Variants in FAM20A observed in about 807,000 individuals in gnomAD.
FAM20A encodes FAM20A golgi associated secretory pathway pseudokinase.
A neutral mutation model predicts 52.0 loss-of-function variants in FAM20A; 42 were observed. The ratio of observed to expected loss-of-function variants is 0.81; its 90% confidence interval spans 0.63 to 1.04. The LOEUF (loss-of-function observed/expected upper bound fraction) is 1.04, where lower values mean the gene tolerates loss of function less well. Among genes scored for constraint, FAM20A ranks in the 50% least tolerant of loss-of-function variants. The pLI is 0.00. For synonymous variants in FAM20A, 304 were observed against 298.9 expected (o/e 1.02, Z -0.18); for missense variants, 742 against 712.7 (o/e 1.04, Z -0.47).
At chr17:68,594,215 T>C (rs566688283) in intron 1 of FAM20A, among the ~76,000 whole-genome samples, 1 of 152,184 alleles carries the variant, frequency 6.6e-6, no homozygotes, top group Non-Finnish European at 1.5e-5. Context: ...ATCGAGACCA[T>C]GGTGAAACGC....
chr17:68,558,349 G>A (rs1343840422), intron 1 of FAM20A: 2 of 444,674 alleles, frequency 4.5e-6, no homozygotes, highest in Non-Finnish European at 9.0e-6. Flanking sequence ...TGGTTTGGAT[G>A]TTTGTCCCCT....
rs1185759292 is a variant in FAM20A, at chr17:68,575,825, CACACACAT to C, written c.405-20090_405-20083del. Among the ~76,000 whole-genome samples, 8 of 135,664 alleles carry C rather than the reference CACACACAT, an allele frequency of 5.9e-5. No individual in the cohort carries two copies. In the South Asian group the frequency reaches 9.9e-4, roughly 17 times the overall value. The allele number at this position is 135,664 out of a possible 152,430, so 89.0% of individuals were successfully genotyped here. Reference sequence around the variant, plus strand: ...ACACACACACACACACACACACACACACACACATAATCAGCCATTGGCAGTTACAGCTG... The same window carrying C: ...ACACACACACACACACACACACACACAATCAGCCATTGGCAGTTACAGCTG... On this transcript the variant is annotated intron_variant, in intron 1 of 10. Coordinates refer to ENST00000592554, the MANE Select transcript of FAM20A (RefSeq NM_017565.4).
Position 68,548,540 on chromosome 17 carries a change from A to AT in FAM20A, c.719+3332_719+3333insA, listed in dbSNP as rs563422672. Among the ~76,000 whole-genome samples, 662 of 151,948 alleles carry AT rather than the reference A, an allele frequency of 4.4e-3. 4 individuals are homozygous for AT. The highest frequency in any genetic ancestry group is 0.015 in the African/African-American group (636 of 41,398). On this transcript the variant is annotated intron_variant, in intron 4 of 10. Coordinates refer to ENST00000592554, the MANE Select transcript of FAM20A (RefSeq NM_017565.4). ...GTGAGACTCTGTCTCAAAAAAAAAA[A>AT]GTTTGAAATATTGTGAGAATTACCA...
In FAM20A at chr17:68,555,750, G is replaced by A; in HGVS notation, c.405-7C>T. On this transcript the variant is annotated splice_region_variant and splice_polypyrimidine_tract_variant and intron_variant, in intron 1 of 10. Coordinates refer to ENST00000592554, the MANE Select transcript of FAM20A (RefSeq NM_017565.4). Reference sequence around the variant, plus strand: ...TCTGTACATCTTGTGTCGCCTGAAAGAGCCAGATAGTTGTTCATTAGAGGA... The same window carrying A: ...TCTGTACATCTTGTGTCGCCTGAAAAAGCCAGATAGTTGTTCATTAGAGGA... 6.2e-7 allele frequency: 1 copy of A among 1,614,050 alleles called. No homozygotes were observed. The highest frequency in any genetic ancestry group is 8.5e-7 in the Non-Finnish European group (1 of 1,180,026).
At chr17:68,586,711 T>A (rs1331686327) in intron 1 of FAM20A, among the ~76,000 whole-genome samples, 1 of 152,220 alleles carries the variant, frequency 6.6e-6, no homozygotes, top group Admixed American at 6.5e-5. Context: ...TCATTTCAGA[T>A]TTCTATCCTT....
intron 1 of FAM20A, among the ~76,000 whole-genome samples, chr17:68,573,479 TTCTTTCTTTCCTTTCTTTCTCTC>T (rs1163443815): frequency 6.8e-6 from 1 of 146,220 alleles, no homozygotes; most frequent in Non-Finnish European, 1.5e-5. Flanking sequence ...TTCTTTCTCT[TTCTTTCTTTCCTTTCTTTCTCTC>T]TCTTTCTCTT....
intron 7 of FAM20A, 35 bp from the exon 8 acceptor site, chr17:68,540,993 C>T: frequency 6.4e-7 from 1 of 1,556,078 alleles, no homozygotes; most frequent in Non-Finnish European, 8.7e-7. Flanking sequence ...GCTGGAAAAG[C>T]CAAGATGGCA....
intron 4 of FAM20A, 118 bp downstream of exon 4, chr17:68,551,755 A>G: frequency 1.5e-6 from 1 of 667,668 alleles, no homozygotes; most frequent in Non-Finnish European, 2.8e-6. Context: ...GCTTGGGCAG[A>G]TTAGAGAATC....
At chr17:68,539,811 TC>T in intron 9 of FAM20A, 73 bp downstream of exon 9, 2 of 1,455,356 alleles carry the variant, frequency 1.4e-6, no homozygotes, top group African/African-American at 1.4e-5. Flanking sequence ...GGCGTCTGTT[TC>T]CCCCGAGCAG....
chr17:68,594,793 C>T (rs961245265), intron 1 of FAM20A, among the ~76,000 whole-genome samples: 1 of 152,218 alleles, frequency 6.6e-6, no homozygotes. Flanking sequence ...AATCCTTATT[C>T]TGCTTTGAAT....
chr17:68,574,210 G>A lies in FAM20A; in HGVS notation c.405-18467C>T, dbSNP rs142598265. On this transcript the variant is annotated intron_variant, in intron 1 of 10. Coordinates refer to ENST00000592554, the MANE Select transcript of FAM20A (RefSeq NM_017565.4). ...CTCCCAAGTAACTGGGACCACAGGC[G>A]TGTGCCACCATGCCCGGCTAATTTT... Among the ~76,000 whole-genome samples the A allele has an allele frequency of 2.0e-4, 31 of 152,102 alleles. No homozygotes were observed. In the East Asian group the frequency reaches 5.0e-3, roughly 25 times the overall value.
intron 1 of FAM20A, among the ~76,000 whole-genome samples, chr17:68,569,727 T>C (rs2087484746): frequency 6.6e-6 from 1 of 152,210 alleles, no homozygotes; most frequent in Non-Finnish European, 1.5e-5. Context: ...TCTAGGTTCA[T>C]GTTCTTCTAT....
intron 1 of FAM20A, among the ~76,000 whole-genome samples, chr17:68,597,793 T>TCTG (rs1261216718): frequency 6.6e-6 from 1 of 152,178 alleles, no homozygotes; most frequent in Admixed American, 6.5e-5. Flanking sequence ...TGTTTCTTCC[T>TCTG]CTGCTGTCCA....
chr17:68,550,992 G>A, intron 4 of FAM20A: 1 of 1,100,180 alleles, frequency 9.1e-7, no homozygotes, highest in Non-Finnish European at 1.2e-6. Flanking sequence ...GAATCTGCCA[G>A]TCTAATTGTA....
chr17:68,540,736 CAG>C (rs1035421397), intron 8 of FAM20A, 111 bp downstream of exon 8: 8 of 1,319,780 alleles, frequency 6.1e-6, no homozygotes, highest in African/African-American at 2.9e-5. Flanking sequence ...GTGGGAGGTG[CAG>C]AGTTACTCAG....
chr17:68,593,538 C>A (rs1490454831), intron 1 of FAM20A, among the ~76,000 whole-genome samples: 1 of 152,166 alleles, frequency 6.6e-6, no homozygotes, highest in Non-Finnish European at 1.5e-5. Flanking sequence ...TTCAGAATGT[C>A]TCAGCAGGGT....
intron 1 of FAM20A, among the ~76,000 whole-genome samples, chr17:68,569,425 G>C (rs767159854): frequency 2.0e-5 from 3 of 152,182 alleles, no homozygotes; most frequent in Non-Finnish European, 4.4e-5. Context: ...CAGAATGATT[G>C]CTTTTTCAAA....
At position 68,536,261 on chromosome 17, in the gene FAM20A, A is replaced by G. The variant is rs1284886983; in HGVS notation, c.*1216T>C. ...CTATTCTCATGCTTACAGTATTTGA[A>G]CTCTGGCCTTTACTGGAAAAGTTGA... On this transcript the variant is annotated 3_prime_UTR_variant, in exon 11 of 11. Coordinates refer to ENST00000592554, the MANE Select transcript of FAM20A (RefSeq NM_017565.4). 3 of 453,844 alleles carry G rather than the reference A, an allele frequency of 6.6e-6. No individual in the cohort carries two copies. The highest frequency in any genetic ancestry group is 1.3e-5 in the Non-Finnish European group (3 of 226,792). 28.1% of individuals were successfully genotyped at this position (453,844 alleles called of 1,614,324 possible).
intron 1 of FAM20A, chr17:68,597,926 G>C (rs902631662): frequency 2.0e-5 from 3 of 151,880 alleles, no homozygotes; most frequent in South Asian, 4.2e-4. Context: ...TCTCATTTAA[G>C]GTAATGAGTG....
Sources: allele counts gnomAD v4.1 joint callset (sites outside exome capture counted in the v4.1 genomes callset), GRCh38; gene constraint gnomAD v4.1.1; transcripts MANE v1.5; gene names NCBI Gene and HGNC (gene_info 2026-07-23, HGNC 2026-07-21).